Variants in IGSF21 observed in about 807,000 individuals in gnomAD.
IGSF21 encodes the protein immunoglobulin superfamily member 21.
IGSF21 carries 28 observed loss-of-function variants against 46.8 expected under a neutral mutation model. The ratio of observed to expected loss-of-function variants is 0.60; its 90% confidence interval spans 0.44 to 0.82. IGSF21 has a LOEUF of 0.82. IGSF21 is among the 40% of genes least tolerant of loss of function. IGSF21 has a pLI of 0.00. For missense variants in IGSF21, 624 were observed against 665.5 expected, an observed-to-expected ratio of 0.94 and a Z score of 0.69; for synonymous variants, 284 against 273.6, an observed-to-expected ratio of 1.04 and a Z score of -0.38.
intron 2 of IGSF21, among the ~76,000 whole-genome samples, chr1:18,285,887 A>G (rs1440253821): frequency 6.6e-6 from 1 of 152,174 alleles, no homozygotes; most frequent in African/African-American, 2.4e-5. Flanking sequence ...TATGCCAGCT[A>G]TTGTTATTCC....
At chr1:18,144,576 C>G (rs1248604929) in intron 1 of IGSF21, among the ~76,000 whole-genome samples, 1 of 152,142 alleles carries the variant, frequency 6.6e-6, no homozygotes, top group East Asian at 1.9e-4. Context: ...GTCCTCCAGT[C>G]CCCTGAAGAT....
Position 18,318,828 on chromosome 1 carries a change from G to A in IGSF21, c.306-16064G>A, listed in dbSNP as rs371425216. On this transcript the variant is annotated intron_variant, in intron 3 of 9. Coordinates refer to ENST00000251296, the MANE Select transcript of IGSF21 (RefSeq NM_032880.5). The stretch of plus-strand genomic sequence containing the variant: ...ATCAATGACAAATTATTGAAAACCA[G>A]GAGATTTTACAAACAAATCTATACG... Among the ~76,000 whole-genome samples, 109 of 152,200 alleles carry A rather than the reference G, an allele frequency of 7.2e-4. 1 individual carries two copies. The South Asian group carries it at 0.015, about 21-fold the overall frequency.
rs370345863 is a variant in IGSF21, at chr1:18,376,907, C to A, written c.1209C>A (p.Pro403=). 6.2e-7 allele frequency: 1 copy of A among 1,612,812 alleles called. No individual in the cohort carries two copies. Among genetic ancestry groups the A allele is most frequent in the Non-Finnish European group, 8.5e-7 (1 of 1,179,024 alleles). ...AGGAGCTGGTGCTGGAGCGGGTTCC[C>A]GCCGAGCTCAATGGCTCCATGTATC... The part of the protein sequence containing the change: ...DGKELVLERV[P]AELNGSMYRC... Residue 403 remains proline, a synonymous_variant, in exon 8 of 10, where the codon CCC becomes CCA. Transcript: ENST00000251296.
chr1:18,249,753 T>C (rs887782856), intron 2 of IGSF21, among the ~76,000 whole-genome samples: 5 of 152,164 alleles, frequency 3.3e-5, no homozygotes, highest in Non-Finnish European at 7.4e-5. Context: ...AGATGCTAGG[T>C]TTTGCCTCCC....
intron 1 of IGSF21, among the ~76,000 whole-genome samples, chr1:18,210,109 C>T (rs2084374252): frequency 6.6e-6 from 1 of 152,128 alleles, no homozygotes; most frequent in South Asian, 2.1e-4. Flanking sequence ...AACCATGCAA[C>T]TGTAATAGGC....
intron 3 of IGSF21, among the ~76,000 whole-genome samples, chr1:18,293,923 G>A (rs1162301584): frequency 6.6e-6 from 1 of 152,176 alleles, no homozygotes; most frequent in Non-Finnish European, 1.5e-5. Context: ...CTGCTTCCTG[G>A]AGCCTCAAGG....
At chr1:18,292,018 G>C (rs779832298) in intron 3 of IGSF21, 31 bp downstream of exon 3, 4 of 1,607,278 alleles carry the variant, frequency 2.5e-6, no homozygotes, top group Non-Finnish European at 3.4e-6. Context: ...GGCCGACAGC[G>C]GGGGAAGGGC....
chr1:18,118,029 T>A (rs2086202282), intron 1 of IGSF21, among the ~76,000 whole-genome samples: 1 of 152,156 alleles, frequency 6.6e-6, no homozygotes, highest in Non-Finnish European at 1.5e-5. Context: ...TCCCCTGAAA[T>A]TGGGTGGGGA....
Position 18,335,197 on chromosome 1 carries a change from G to A in IGSF21, c.424+187G>A, listed in dbSNP as rs945464109. On this transcript the variant is annotated intron_variant, in intron 4 of 9. Transcript: ENST00000251296. This position sits in a 1 kb window ranked among gnomAD's most constrained non-coding sequence, Gnocchi z 4.8. The stretch of plus-strand genomic sequence containing the variant: ...ACCAAGCTGAGCCAAGGTGTGACCC[G>A]TGAAGTCTTGCCCCCCATGGGCCTC... 5.9e-5 allele frequency among the ~76,000 whole-genome samples: 9 copies of A among 152,180 alleles called. No homozygotes were observed. Among genetic ancestry groups the A allele is most frequent in the East Asian group, 3.9e-4 (2 of 5,188 alleles).
chr1:18,139,012 C>T (rs1407091164), intron 1 of IGSF21, among the ~76,000 whole-genome samples: 1 of 152,112 alleles, frequency 6.6e-6, no homozygotes, highest in Non-Finnish European at 1.5e-5. Flanking sequence ...GTGGCTTTGC[C>T]GTTAAAACCC....
At chr1:18,180,349 C>T (rs9660012) in intron 1 of IGSF21, among the ~76,000 whole-genome samples, 2,337 of 152,284 alleles carry the variant, frequency 0.015, 73 homozygotes, top group African/African-American at 0.053. Flanking sequence ...ACATACATGG[C>T]AGTTACAACC....
At chr1:18,362,479 T>A (rs1413740116) in intron 5 of IGSF21, among the ~76,000 whole-genome samples, 2 of 152,144 alleles carry the variant, frequency 1.3e-5, no homozygotes, top group African/African-American at 4.8e-5. Flanking sequence ...TACTAGAACT[T>A]CACAGCAGGA....
At chr1:18,254,303 T>C (rs915983648) in intron 2 of IGSF21, among the ~76,000 whole-genome samples, 1 of 145,126 alleles carries the variant, frequency 6.9e-6, no homozygotes, top group African/African-American at 2.8e-5. Context: ...CATTTCCCTC[T>C]TTTTGAGCCA....
intron 1 of IGSF21, chr1:18,110,365 T>A (rs912864670): frequency 1.3e-5 from 2 of 152,124 alleles, no homozygotes; most frequent in African/African-American, 4.8e-5. Flanking sequence ...GCGAGAAGAG[T>A]CCGTGAGAGA....
intron 3 of IGSF21, among the ~76,000 whole-genome samples, chr1:18,319,065 A>G (rs980928710): frequency 6.6e-6 from 1 of 152,224 alleles, no homozygotes; most frequent in African/African-American, 2.4e-5. Context: ...AGTATGTCTT[A>G]AACTAGATAA....
intron 1 of IGSF21, among the ~76,000 whole-genome samples, chr1:18,131,099 G>A (rs141100195): frequency 1.3e-4 from 20 of 152,340 alleles, no homozygotes; most frequent in African/African-American, 4.6e-4. Flanking sequence ...GGAGCTCCCC[G>A]TGGATTGAGA....
At chr1:18,150,479 G>A (rs1570270604) in intron 1 of IGSF21, among the ~76,000 whole-genome samples, 2 of 152,244 alleles carry the variant, frequency 1.3e-5, no homozygotes, top group East Asian at 3.9e-4. Context: ...CAGTCACTGT[G>A]CCCTGCCCTG....
intron 3 of IGSF21, among the ~76,000 whole-genome samples, chr1:18,315,747 G>C (rs1441839519): frequency 6.6e-6 from 1 of 152,004 alleles, no homozygotes; most frequent in Non-Finnish European, 1.5e-5. Context: ...TAGATAAGTG[G>C]ATGGTAAGTG....
intron 4 of IGSF21, among the ~76,000 whole-genome samples, chr1:18,346,876 T>G (rs532848644): frequency 6.6e-6 from 1 of 152,196 alleles, no homozygotes; most frequent in East Asian, 1.9e-4. Flanking sequence ...GCCCCTGAGC[T>G]GGATGTGAGC....
Sources: allele counts gnomAD v4.1 joint callset (sites outside exome capture counted in the v4.1 genomes callset), GRCh38; gene constraint gnomAD v4.1.1; non-coding constraint Gnocchi (gnomAD v3.1); transcripts MANE v1.5; gene names NCBI Gene and HGNC (gene_info 2026-07-23, HGNC 2026-07-21).